Variants in CTNNA3 observed in about 807,000 individuals in gnomAD.
CTNNA3 encodes catenin alpha-3.
CTNNA3 carries 76 observed loss-of-function variants against 95.7 expected under a neutral mutation model. The ratio of observed to expected loss-of-function variants is 0.79; its 90% CI spans 0.66 to 0.96. CTNNA3 has a LOEUF of 0.96. CTNNA3 is among the 40% of genes least tolerant of loss of function. CTNNA3 has a pLI of 0.00. For missense variants in CTNNA3, 1,191 were observed against 1,089.8 expected (o/e 1.09, Z -1.31); for synonymous variants, 431 against 374.4 (o/e 1.15, Z -1.74).
At chr10:67,021,374 T>TA (rs1395371856) in intron 7 of CTNNA3, among the ~76,000 whole-genome samples, 1 of 152,122 alleles carries the variant, frequency 6.6e-6, no homozygotes, top group African/African-American at 2.4e-5. Flanking sequence ...CAGTAAATAA[T>TA]ACTTTTGGAA....
chr10:66,899,185 A>G (rs1459400153), intron 7 of CTNNA3, among the ~76,000 whole-genome samples: 1 of 152,218 alleles, frequency 6.6e-6, no homozygotes, highest in Admixed American at 6.5e-5. Flanking sequence ...TAGGATGGCT[A>G]TTATAGAAAA....
chr10:66,009,359 G>A (rs1249530250), intron 15 of CTNNA3, among the ~76,000 whole-genome samples: 2 of 152,168 alleles, frequency 1.3e-5, no homozygotes, highest in East Asian at 3.9e-4. Flanking sequence ...ATAAATCCAG[G>A]TATCTTTGAT....
At chr10:66,568,459 C>G (rs1842777238) in intron 10 of CTNNA3, among the ~76,000 whole-genome samples, 1 of 152,062 alleles carries the variant, frequency 6.6e-6, no homozygotes, top group Admixed American at 6.6e-5. Flanking sequence ...AGTTCTGACA[C>G]CAATACCCCT....
At chr10:67,526,354 T>TA (rs919734090) in intron 4 of CTNNA3, among the ~76,000 whole-genome samples, 5 of 151,378 alleles carry the variant, frequency 3.3e-5, no homozygotes, top group African/African-American at 1.2e-4. Context: ...AAATGATTTT[T>TA]TTTTTTTTTT....
chr10:66,973,760 A>C (rs988361160), intron 7 of CTNNA3, among the ~76,000 whole-genome samples: 1 of 151,978 alleles, frequency 6.6e-6, no homozygotes, highest in African/African-American at 2.4e-5. Flanking sequence ...AGTAGCTGGG[A>C]TTACAGGCAC....
intron 13 of CTNNA3, among the ~76,000 whole-genome samples, chr10:66,175,639 A>G (rs2085667622): frequency 6.6e-6 from 1 of 152,164 alleles, no homozygotes; most frequent in African/African-American, 2.4e-5. Flanking sequence ...GTCAATGGAC[A>G]AGATTTTCTG....
chr10:66,845,717 A>ACAAAAAAAAAAC (rs1564719829), intron 7 of CTNNA3, among the ~76,000 whole-genome samples: 2 of 130,642 alleles, frequency 1.5e-5, no homozygotes, highest in Admixed American at 8.2e-5. Context: ...AAAAAAAAAA[A>ACAAAAAAAAAAC]AAAAAAAAAA....
intron 10 of CTNNA3, among the ~76,000 whole-genome samples, chr10:66,551,597 T>C (rs928633769): frequency 2.0e-5 from 3 of 152,152 alleles, no homozygotes; most frequent in Non-Finnish European, 2.9e-5. Flanking sequence ...TTCCTTTTGA[T>C]ATTGTCTTAT....
intron 10 of CTNNA3, among the ~76,000 whole-genome samples, chr10:66,534,938 AT>A (rs1478715966): frequency 2.0e-5 from 3 of 152,212 alleles, no homozygotes; most frequent in South Asian, 4.1e-4. Flanking sequence ...TCCATTTAAA[AT>A]TTACTACTCT....
rs532152967 is a variant in CTNNA3, at chr10:66,133,538, C to CA, written c.1885-30290dup. On this transcript the variant is annotated intron_variant, in intron 13 of 17. Transcript: ENST00000433211. Reference sequence around the variant, plus strand: ...AAAAAAAAAAACAAAAAACAAAAAACAAAAAAAACAGAAGAAAGAGAGAAA... The same window carrying CA: ...AAAAAAAAAAACAAAAAACAAAAAACAAAAAAAAACAGAAGAAAGAGAGAAA... 4.6e-3 allele frequency among the ~76,000 whole-genome samples: 652 copies of CA among 142,646 alleles called. 4 individuals are homozygous for CA. Among genetic ancestry groups the CA allele is most frequent in the African/African-American group, 7.1e-3 (273 of 38,640 alleles). The allele number at this position is 142,646 out of a possible 152,430, so 93.6% of individuals were successfully genotyped here.
intron 7 of CTNNA3, 102 bp downstream of exon 7, chr10:67,180,215 C>T (rs1862452196): frequency 3.1e-6 from 3 of 979,308 alleles, no homozygotes; most frequent in Non-Finnish European, 4.8e-6. Context: ...ATCACATACT[C>T]ATTTGTAATT....
intron 1 of CTNNA3, among the ~76,000 whole-genome samples, chr10:67,679,702 TTCAC>T (rs1188873427): frequency 6.6e-6 from 1 of 152,234 alleles, no homozygotes; most frequent in African/African-American, 2.4e-5. Flanking sequence ...TAAAATTGGT[TTCAC>T]TCAAACATTT....
intron 5 of CTNNA3, among the ~76,000 whole-genome samples, chr10:67,249,873 A>T (rs1866038854): frequency 1.3e-5 from 2 of 152,272 alleles, no homozygotes; most frequent in Admixed American, 6.5e-5. Context: ...TGTGGGAGAA[A>T]ACTGGAGACC....
chr10:67,458,395 G>A (rs1847249694), intron 5 of CTNNA3, among the ~76,000 whole-genome samples: 1 of 152,008 alleles, frequency 6.6e-6, no homozygotes, highest in East Asian at 1.9e-4. Context: ...AAATCAGTAG[G>A]CAGCATAGCT....
intron 7 of CTNNA3, among the ~76,000 whole-genome samples, chr10:67,070,006 C>T (rs1430725606): frequency 6.6e-6 from 1 of 152,134 alleles, no homozygotes; most frequent in African/African-American, 2.4e-5. Flanking sequence ...TCCATTTATA[C>T]ACCCACTAGC....
At chr10:66,210,429 C>A (rs773681224) in intron 13 of CTNNA3, among the ~76,000 whole-genome samples, 16 of 151,594 alleles carry the variant, frequency 1.1e-4, no homozygotes, top group Non-Finnish European at 1.9e-4. Flanking sequence ...ACTTTTTAAT[C>A]CTGACAGGAA....
chr10:66,948,034 A>G (rs1420871843), intron 7 of CTNNA3, among the ~76,000 whole-genome samples: 2 of 152,362 alleles, frequency 1.3e-5, no homozygotes, highest in East Asian at 1.9e-4. Flanking sequence ...TTTGTAACAC[A>G]ATGGTATTTG....
At chr10:66,592,449 T>C (rs1232965229) in intron 10 of CTNNA3, among the ~76,000 whole-genome samples, 1 of 152,148 alleles carries the variant, frequency 6.6e-6, no homozygotes, top group Admixed American at 6.6e-5. Flanking sequence ...CCAATTGTAC[T>C]AACATCCAAC....
intron 5 of CTNNA3, among the ~76,000 whole-genome samples, chr10:67,511,227 T>A (rs938083761): frequency 1.3e-5 from 2 of 152,216 alleles, no homozygotes; most frequent in African/African-American, 4.8e-5. Context: ...TCCAACACTA[T>A]GTTGAATAGG....
Sources: gnomAD v4.1 joint callset for allele counts (sites outside exome capture counted in the v4.1 genomes callset) on GRCh38, gnomAD v4.1.1 for gene constraint, MANE v1.5 for transcripts, NCBI Gene and HGNC (gene_info 2026-07-23, HGNC 2026-07-21) for gene names.